The following EMSY variants were observed in gnomAD, a reference collection of about 807,000 sequenced individuals.
The protein encoded by EMSY is BRCA2-interacting transcriptional repressor EMSY.
Under a neutral mutation model 134.6 loss-of-function variants are expected in EMSY, and 26 were observed. The observed-to-expected ratio is 0.19, with a 90% confidence interval of 0.14 to 0.27. The LOEUF (loss-of-function observed/expected upper bound fraction) is 0.27, where lower values mean the gene tolerates loss of function less well. Among genes scored for constraint, EMSY ranks in the 10% least tolerant of loss-of-function variants. EMSY has a pLI of 1.00. For synonymous variants in EMSY, 579 were observed against 577.8 expected (o/e 1.00, Z -0.03); for missense variants, 1,305 against 1,611.4 (o/e 0.81, Z 3.26).
intron 16 of EMSY, among the ~76,000 whole-genome samples, chr11:76,539,233 A>C (rs1395912451): frequency 1.3e-5 from 2 of 152,190 alleles, no homozygotes; most frequent in Non-Finnish European, 2.9e-5. Flanking sequence ...TAAAGGGTTT[A>C]AGAGAGATGA....
At chr11:76,542,357 T>G (rs891226724) in exon 18 of EMSY, 6 of 1,613,974 alleles carry the variant, frequency 3.7e-6, no homozygotes. Flanking sequence ...ATCACCCACA[T>G]TATGCAGCAG....
At chr11:76,505,109 A>G (rs1950020257) in intron 9 of EMSY, among the ~76,000 whole-genome samples, 3 of 152,224 alleles carry the variant, frequency 2.0e-5, no homozygotes, top group South Asian at 4.1e-4. Context: ...ATCTGTGAAT[A>G]TATTAAATAA....
At chr11:76,522,399 G>C (rs1950679757) in intron 11 of EMSY, among the ~76,000 whole-genome samples, 1 of 103,410 alleles carries the variant, frequency 9.7e-6, no homozygotes, top group South Asian at 3.4e-4. Context: ...ATCGAGTCTT[G>C]CTCTGTAGCC....
chr11:76,502,263 G>T (rs1291944630), intron 9 of EMSY, among the ~76,000 whole-genome samples: 1 of 113,176 alleles, frequency 8.8e-6, no homozygotes, highest in Admixed American at 1.2e-4. Flanking sequence ...TATTATACCA[G>T]AGGCTCAAGT....
rs1950280884 is a variant in EMSY, at chr11:76,511,630, G to A, written c.1364-1756G>A. Among the ~76,000 whole-genome samples, 5 of 152,212 alleles carry A rather than the reference G, an allele frequency of 3.3e-5. No homozygotes were observed. The South Asian group carries it at 8.3e-4, about 25-fold the overall frequency. ...CAGGAGAATCACTTAAACCCAGGAG[G>A]TGGAGGTTGCAGTGAGCTGAGATTG... On this transcript the variant is annotated intron_variant, in intron 9 of 20. Coordinates refer to ENST00000334736, the Ensembl canonical transcript of EMSY.
rs151015779 is a variant in EMSY at position 76,462,098 on chromosome 11, G to A, written c.572-1723G>A. Among the ~76,000 whole-genome samples, 1,419 of 152,116 alleles carry A rather than the reference G, an allele frequency of 9.3e-3. 22 individuals are homozygous for A. The highest frequency in any genetic ancestry group is 0.033 in the African/African-American group (1,352 of 41,478). On this transcript the variant is annotated intron_variant, in intron 6 of 20. Coordinates refer to ENST00000334736, the Ensembl canonical transcript of EMSY. Reference sequence around the variant, plus strand: ...CTAAAAATACAAAAAAATTAGCCAGGTGTGGTGGCAGGTGCCTGTAATCCC... The same window carrying A: ...CTAAAAATACAAAAAAATTAGCCAGATGTGGTGGCAGGTGCCTGTAATCCC...
chr11:76,528,527 A>G (rs1950922649), intron 14 of EMSY, 61 bp downstream of exon 15: 1 of 1,293,284 alleles, frequency 7.7e-7, no homozygotes, highest in African/African-American at 1.5e-5. Context: ...CAAATTCTAA[A>G]ATAGAGGTTG....
At chr11:76,518,301 A>G (rs1053899420) in intron 11 of EMSY, among the ~76,000 whole-genome samples, 4 of 150,936 alleles carry the variant, frequency 2.7e-5, no homozygotes, top group Non-Finnish European at 5.9e-5. Context: ...CCAGGTAGCT[A>G]AGACTACAGG....
intron 8 of EMSY, among the ~76,000 whole-genome samples, chr11:76,484,267 T>C (rs928562006): frequency 6.6e-6 from 1 of 152,152 alleles, no homozygotes; most frequent in Non-Finnish European, 1.5e-5. Flanking sequence ...AGAGGGAAAT[T>C]TATAGCACTA....
exon 19 of EMSY, chr11:76,544,774 G>C (rs1468295242): frequency 3.7e-6 from 6 of 1,613,930 alleles, no homozygotes; most frequent in South Asian, 3.3e-5. Flanking sequence ...AAACCCCCCA[G>C]AGCCAAATGT....
chr11:76,542,391 T>C (rs1951471852), intron 18 of EMSY, 24 bp downstream of exon 19: 1 of 1,607,574 alleles, frequency 6.2e-7, no homozygotes, highest in South Asian at 1.1e-5. Context: ...TTTTTCTTCC[T>C]ATCTTCTGCA....
chr11:76,513,329 T>C, intron 9 of EMSY, 57 bp from the exon 11 acceptor site: 1 of 1,570,816 alleles, frequency 6.4e-7, no homozygotes, highest in Non-Finnish European at 8.7e-7. Flanking sequence ...TGGGTTGGTA[T>C]AAGGGACATG....
intron 9 of EMSY, among the ~76,000 whole-genome samples, chr11:76,504,557 G>A (rs1422026279): frequency 6.6e-6 from 1 of 152,094 alleles, no homozygotes; most frequent in Non-Finnish European, 1.5e-5. Flanking sequence ...TAGAGAAACA[G>A]GAATCCTCAT....
At chr11:76,522,799 A>G (rs531391067) in intron 11 of EMSY, among the ~76,000 whole-genome samples, 1 of 152,244 alleles carries the variant, frequency 6.6e-6, no homozygotes, top group East Asian at 1.9e-4. Context: ...TCAGTCACAT[A>G]TAATACTGGG....
At position 76,523,704 on chromosome 11, in the gene EMSY, C is replaced by CTTTTTTTTTTTTTTTT. The variant is rs746491659; in HGVS notation, c.1821+419_1821+434dup. ...TTAATTGATGGGGATTTGTTACTTT[C>CTTTTTTTTTTTTTTTT]TTTTTTTTTTTTTTTTTTTTTCATT... On this transcript the variant is annotated intron_variant, in intron 12 of 20. Coordinates refer to ENST00000334736, the Ensembl canonical transcript of EMSY. Among the ~76,000 whole-genome samples, 200 of 80,520 alleles carry CTTTTTTTTTTTTTTTT rather than the reference C, an allele frequency of 2.5e-3. 2 individuals are homozygous for CTTTTTTTTTTTTTTTT. The highest frequency in any genetic ancestry group is 3.5e-3 in the African/African-American group (68 of 19,404). 52.8% of individuals were successfully genotyped at this position (80,520 alleles called of 152,430 possible). A position where few individuals can be genotyped will look rare whatever the true frequency, so the allele number is the denominator to read the frequency against.
At chr11:76,451,617 C>G (rs1235156279) in intron 2 of EMSY, among the ~76,000 whole-genome samples, 1 of 152,062 alleles carries the variant, frequency 6.6e-6, no homozygotes, top group Non-Finnish European at 1.5e-5. Flanking sequence ...AACAAAATAT[C>G]TACTGTTAGA....
chr11:76,532,374 T>C (rs1381609454), intron 14 of EMSY, among the ~76,000 whole-genome samples: 2 of 149,632 alleles, frequency 1.3e-5, no homozygotes, highest in Non-Finnish European at 3.0e-5. Context: ...TTTTCTGGAG[T>C]TCCCCCTAAC....
At chr11:76,496,262 C>T (rs61754147) in exon 9 of EMSY, 69 of 1,613,984 alleles carry the variant, frequency 4.3e-5, no homozygotes, top group Non-Finnish European at 5.2e-5. Flanking sequence ...ACTTCCTTCC[C>T]CCAAAAGCTT....
At chr11:76,505,592 T>G (rs1432873337) in intron 9 of EMSY, among the ~76,000 whole-genome samples, 5 of 152,038 alleles carry the variant, frequency 3.3e-5, no homozygotes, top group African/African-American at 7.2e-5. Flanking sequence ...GCACAGTGGC[T>G]CACGCCTGTA....
Sources: gnomAD v4.1 joint callset for allele counts (sites outside exome capture counted in the v4.1 genomes callset) on GRCh38, gnomAD v4.1.1 for gene constraint, MANE v1.5 for transcripts, NCBI Gene and HGNC (gene_info 2026-07-23, HGNC 2026-07-21) for gene names.